Variants in FAM228B observed in about 807,000 individuals in gnomAD.
FAM228B encodes family with sequence similarity 228 member B.
FAM228B carries 38 observed loss-of-function variants against 42.6 expected under a neutral mutation model. That is an observed-to-expected ratio of 0.89 (90% CI 0.69 to 1.17). The LOEUF (loss-of-function observed/expected upper bound fraction) is 1.17. FAM228B is among the 50% of genes most tolerant of loss of function. FAM228B has a pLI of 0.00. For missense variants in FAM228B, 344 were observed against 367.3 expected, an observed-to-expected ratio of 0.94 and a Z score of 0.52; for synonymous variants, 109 against 122.3, an observed-to-expected ratio of 0.89 and a Z score of 0.72.
At chr2:24,132,196 G>A (rs1165664751) in intron 2 of FAM228B, among the ~76,000 whole-genome samples, 1 of 152,188 alleles carries the variant, frequency 6.6e-6, no homozygotes, top group Non-Finnish European at 1.5e-5. Flanking sequence ...GATGGTGGTG[G>A]ATAAGCTTTT....
At chr2:24,136,434 G>C (rs1287926396) in intron 3 of FAM228B, among the ~76,000 whole-genome samples, 3 of 152,210 alleles carry the variant, frequency 2.0e-5, no homozygotes, top group Non-Finnish European at 4.4e-5. Context: ...ACATTGGCCA[G>C]GCTGGTCTCA....
chr2:24,169,238 C>T lies in FAM228B; in HGVS notation c.*15-118C>T. 2.8e-6 allele frequency: 1 copy of T among 355,762 alleles called. No individual in the cohort carries two copies. The highest frequency in any genetic ancestry group is 6.5e-6 in the Non-Finnish European group (1 of 153,538). The allele number at this position is 355,762 out of a possible 1,614,324, so 22.0% of individuals were successfully genotyped here. On this transcript the variant is annotated intron_variant, in intron 10 of 10. Transcript: ENST00000615575. The surrounding 1 kb of genome is among the most constrained non-coding windows in gnomAD (Gnocchi z 4.2). ...CCTGCCTGAGAGATGAGTCACTCGG[C>T]TCTGGCAGGACAGGCTTCAGGGGGA... is the stretch of plus-strand genomic sequence containing the variant.
intron 7 of FAM228B, 24 bp from the exon 8 acceptor site, chr2:24,161,474 AAAACCTTC>A: frequency 7.7e-7 from 1 of 1,302,856 alleles, no homozygotes; most frequent in Non-Finnish European, 1.1e-6. Flanking sequence ...AAAGAACAAA[AAAACCTTC>A]TCACACTTGT....
intron 2 of FAM228B, among the ~76,000 whole-genome samples, chr2:24,082,727 C>T (rs547330852): frequency 9.2e-5 from 14 of 152,308 alleles, no homozygotes; most frequent in African/African-American, 3.4e-4. Flanking sequence ...TGATTCTCAG[C>T]CTCAACATTA....
At chr2:24,128,576 A>G (rs147514286) in intron 2 of FAM228B, among the ~76,000 whole-genome samples, 140 of 152,042 alleles carry the variant, frequency 9.2e-4, no homozygotes, top group Admixed American at 2.6e-3. Context: ...ATTTCTTTGT[A>G]TACCTGGTGA....
chr2:24,124,352 T>A lies in FAM228B; in HGVS notation c.-10T>A, dbSNP rs763785259. ...TAGTTTTTCCAGGGGCATTGTTATT[T>A]GTGACCACAATGAAAAATGTAGACA... On this transcript the variant is annotated 5_prime_UTR_variant, in exon 2 of 11. Coordinates refer to ENST00000615575, the MANE Select transcript of FAM228B (RefSeq NM_001145710.2). 1 of 1,524,666 alleles carries A rather than the reference T, an allele frequency of 6.6e-7. No individual in the cohort carries two copies. Among genetic ancestry groups the A allele is most frequent in the African/African-American group, 1.4e-5 (1 of 71,850 alleles). 94.4% of individuals were successfully genotyped at this position (1,524,666 alleles called of 1,614,324 possible).
At chr2:24,161,083 G>C (rs1045247618) in intron 7 of FAM228B, among the ~76,000 whole-genome samples, 24 of 152,138 alleles carry the variant, frequency 1.6e-4, no homozygotes, top group African/African-American at 5.8e-4. Flanking sequence ...TGATGTTTTT[G>C]TCTCTATATT....
chr2:24,116,635 A>G (rs1665927124), intron 3 of FAM228B, among the ~76,000 whole-genome samples: 1 of 152,084 alleles, frequency 6.6e-6, no homozygotes. Flanking sequence ...CGGGCAGATC[A>G]CTTGAAGTCA....
At chr2:24,149,719 C>T (rs1558391117) in intron 7 of FAM228B, among the ~76,000 whole-genome samples, 1 of 152,188 alleles carries the variant, frequency 6.6e-6, no homozygotes, top group Non-Finnish European at 1.5e-5. Flanking sequence ...AGGTGTAAGC[C>T]ACTGCGCCCG....
chr2:24,131,928 C>A (rs1039805515), intron 2 of FAM228B, among the ~76,000 whole-genome samples: 4 of 152,172 alleles, frequency 2.6e-5, no homozygotes, highest in Non-Finnish European at 4.4e-5. Flanking sequence ...GGAAATGCTT[C>A]CAGCTTTTGC....
At chr2:24,147,621 A>T (rs111808832) in intron 7 of FAM228B, among the ~76,000 whole-genome samples, 1 of 151,618 alleles carries the variant, frequency 6.6e-6, no homozygotes, top group Non-Finnish European at 1.5e-5. Flanking sequence ...ATGATTTCTG[A>T]CTTGTTTTTA....
chr2:24,090,724 T>G (rs1477109455), intron 2 of FAM228B, among the ~76,000 whole-genome samples: 1 of 152,044 alleles, frequency 6.6e-6, no homozygotes, highest in African/African-American at 2.4e-5. Flanking sequence ...CAAAAAGGCA[T>G]TGATTAAACG....
chr2:24,124,316 A>G lies in FAM228B; in HGVS notation c.-32-14A>G, dbSNP rs1666243625. On this transcript the variant is annotated splice_polypyrimidine_tract_variant and intron_variant, in intron 1 of 10. Transcript: ENST00000615575. ...GACTGTGAAATGTTCAATACTAAAT[A>G]AGATGATTTTTAGTTTTTCCAGGGG... 1.6e-6 allele frequency: 2 copies of G among 1,261,498 alleles called. No individual in the cohort carries two copies. The highest frequency in any genetic ancestry group is 2.5e-5 in the East Asian group (1 of 39,578). The allele number at this position is 1,261,498 out of a possible 1,614,324, so 78.1% of individuals were successfully genotyped here. A position where few individuals can be genotyped will look rare whatever the true frequency, so the allele number is the denominator to read the frequency against.
chr2:24,077,762 C>T lies in FAM228B; in HGVS notation c.-290+793C>T, dbSNP rs1664820689. 3 of 1,612,056 alleles carry T rather than the reference C, an allele frequency of 1.9e-6. No homozygotes were observed. The African/African-American group carries it at 4.0e-5, about 22-fold the overall frequency. ...AAGCATTCACCAGCATTTGCTTGTA[C>T]TAAGACAAGGGAAAGGAGATCATCA... On this transcript the variant is annotated intron_variant, in intron 1 of 10. Coordinates refer to the FAM228B transcript ENST00000613899. The surrounding 1 kb of genome is among the most constrained non-coding windows in gnomAD (Gnocchi z 5.5).
chr2:24,155,523 A>ATT (rs1667115999), intron 7 of FAM228B, among the ~76,000 whole-genome samples: 13 of 25,888 alleles, frequency 5.0e-4, no homozygotes, highest in Non-Finnish European at 8.9e-4. Context: ...ATATATATAT[A>ATT]TATATATATT....
At chr2:24,127,366 T>G (rs1210372421) in intron 2 of FAM228B, among the ~76,000 whole-genome samples, 1 of 152,198 alleles carries the variant, frequency 6.6e-6, no homozygotes, top group Non-Finnish European at 1.5e-5. Context: ...TTGGGTTGTT[T>G]CTGTTTTTTT....
At chr2:24,148,371 T>G (rs1573775951) in intron 7 of FAM228B, among the ~76,000 whole-genome samples, 1 of 152,196 alleles carries the variant, frequency 6.6e-6, no homozygotes. Flanking sequence ...GTTTTTCTCA[T>G]GGAGCTTCAG....
chr2:24,134,520 A>G (rs1666532252), intron 2 of FAM228B, among the ~76,000 whole-genome samples: 1 of 152,272 alleles, frequency 6.6e-6, no homozygotes, highest in Non-Finnish European at 1.5e-5. Context: ...AGCATTTTAT[A>G]GGAAGTGAAA....
chr2:24,164,415 C>G (rs958664123), intron 9 of FAM228B, 80 bp downstream of exon 9: 37 of 1,417,758 alleles, frequency 2.6e-5, no homozygotes, highest in Admixed American at 7.0e-5. Context: ...TGGGAACTTT[C>G]TTTGTATGGC....
Sources: gnomAD v4.1 joint callset for allele counts (sites outside exome capture counted in the v4.1 genomes callset) on GRCh38, gnomAD v4.1.1 for gene constraint, Gnocchi (gnomAD v3.1) non-coding constraint, MANE v1.5 for transcripts, NCBI Gene and HGNC (gene_info 2026-07-23, HGNC 2026-07-21) for gene names.